Variants in CSRNP3 observed in about 807,000 individuals in gnomAD.
CSRNP3 encodes cysteine/serine-rich nuclear protein 3.
In CSRNP3, 12 loss-of-function variants were observed where a neutral mutation model predicts 48.0. The observed-to-expected ratio is 0.25, with a 90% confidence interval of 0.16 to 0.41. CSRNP3 has a LOEUF of 0.41. CSRNP3 is among the 10% of genes least tolerant of loss of function. CSRNP3 has a pLI of 1.00. For missense variants in CSRNP3, 580 were observed against 724.4 expected, an observed-to-expected ratio of 0.80 and a Z score of 2.29; for synonymous variants, 263 against 269.7, an observed-to-expected ratio of 0.98 and a Z score of 0.24.
chr2:165,676,877 A>G (rs945303686), intron 6 of CSRNP3, among the ~76,000 whole-genome samples: 1 of 152,190 alleles, frequency 6.6e-6, no homozygotes. Context: ...AAATTATTTT[A>G]TCTTGGATTC....
chr2:165,520,159 T>G (rs1289257286), intron 3 of CSRNP3, among the ~76,000 whole-genome samples: 1 of 152,210 alleles, frequency 6.6e-6, no homozygotes, highest in East Asian at 1.9e-4. Flanking sequence ...TATGTGCATT[T>G]TTATTAGAAA....
chr2:165,662,494 C>T (rs1687114580), intron 5 of CSRNP3, among the ~76,000 whole-genome samples: 1 of 152,300 alleles, frequency 6.6e-6, no homozygotes, highest in Admixed American at 6.5e-5. Flanking sequence ...CCCATTCAAA[C>T]ATGTCATACT....
At chr2:165,481,145 C>G (rs144236948) in intron 1 of CSRNP3, among the ~76,000 whole-genome samples, 1 of 152,034 alleles carries the variant, frequency 6.6e-6, no homozygotes, top group Non-Finnish European at 1.5e-5. Context: ...ACACAAAACC[C>G]AAAATCAAAT....
At chr2:165,564,315 T>TA (rs5836045) in intron 3 of CSRNP3, among the ~76,000 whole-genome samples, 71 of 151,840 alleles carry the variant, frequency 4.7e-4, no homozygotes, top group Admixed American at 7.9e-4. Flanking sequence ...AATATTCTGT[T>TA]AAAAAAATGC....
intron 2 of CSRNP3, among the ~76,000 whole-genome samples, chr2:165,510,065 C>A (rs539820020): frequency 6.6e-6 from 1 of 152,112 alleles, no homozygotes; most frequent in Admixed American, 6.6e-5. Flanking sequence ...TGAATCATAT[C>A]GGGGATATAT....
intron 1 of CSRNP3, among the ~76,000 whole-genome samples, chr2:165,479,672 C>T (rs556776279): frequency 2.6e-4 from 40 of 152,204 alleles, no homozygotes; most frequent in African/African-American, 9.4e-4. Flanking sequence ...TTTGCTTGAG[C>T]TCAGGAGTTC....
intron 3 of CSRNP3, among the ~76,000 whole-genome samples, chr2:165,569,829 A>G (rs1240873244): frequency 6.6e-6 from 1 of 151,828 alleles, no homozygotes; most frequent in East Asian, 1.9e-4. Flanking sequence ...TCCTGAGGCA[A>G]TTTTATGAGA....
chr2:165,648,498 G>T (rs546782895), intron 4 of CSRNP3, among the ~76,000 whole-genome samples: 5 of 152,058 alleles, frequency 3.3e-5, no homozygotes, highest in African/African-American at 1.2e-4. Flanking sequence ...TTTTTAAAAA[G>T]ATTTTTTTGC....
intron 4 of CSRNP3, among the ~76,000 whole-genome samples, chr2:165,656,632 T>G (rs2105346086): frequency 1.3e-5 from 2 of 152,348 alleles, no homozygotes; most frequent in South Asian, 4.1e-4. Flanking sequence ...AGAATCCCAT[T>G]GTTCATAATG....
chr2:165,559,096 G>T (rs969171530), intron 3 of CSRNP3, among the ~76,000 whole-genome samples: 11 of 152,232 alleles, frequency 7.2e-5, no homozygotes, highest in Admixed American at 6.5e-4. Flanking sequence ...GAGAGAGACA[G>T]AAATATGCAA....
intron 3 of CSRNP3, among the ~76,000 whole-genome samples, chr2:165,555,661 C>A (rs566053710): frequency 6.6e-6 from 1 of 152,248 alleles, no homozygotes; most frequent in Non-Finnish European, 1.5e-5. Flanking sequence ...TGAGAAGGAC[C>A]ACTATCAATA....
At chr2:165,646,830 AC>A (rs1179271710) in intron 4 of CSRNP3, among the ~76,000 whole-genome samples, 2 of 152,152 alleles carry the variant, frequency 1.3e-5, no homozygotes, top group Admixed American at 1.3e-4. Flanking sequence ...AGTAACAACT[AC>A]CTTTTTTTCC....
At chr2:165,478,150 C>A (rs1448681339) in intron 1 of CSRNP3, among the ~76,000 whole-genome samples, 1 of 152,154 alleles carries the variant, frequency 6.6e-6, no homozygotes, top group East Asian at 1.9e-4. Context: ...TAAAATCTTG[C>A]AGATTGTATT....
intron 3 of CSRNP3, among the ~76,000 whole-genome samples, chr2:165,576,386 GT>G (rs1345729709): frequency 2.6e-5 from 4 of 151,970 alleles, no homozygotes; most frequent in Non-Finnish European, 5.9e-5. Context: ...AAAGAACCAA[GT>G]TTAACATTCA....
intron 2 of CSRNP3, among the ~76,000 whole-genome samples, chr2:165,503,809 G>A (rs965131680): frequency 1.3e-5 from 2 of 151,834 alleles, no homozygotes; most frequent in African/African-American, 4.8e-5. Flanking sequence ...GTTCTGAAAG[G>A]CTTTTTGGGT....
intron 4 of CSRNP3, among the ~76,000 whole-genome samples, chr2:165,653,788 A>G (rs1049131413): frequency 3.3e-5 from 5 of 151,990 alleles, no homozygotes; most frequent in Admixed American, 1.3e-4. Flanking sequence ...CCTGGCCAAC[A>G]TGATGAAACC....
At chr2:165,653,468 A>G (rs1033853278) in intron 4 of CSRNP3, among the ~76,000 whole-genome samples, 1 of 152,118 alleles carries the variant, frequency 6.6e-6, no homozygotes, top group African/African-American at 2.4e-5. Flanking sequence ...CCCTGACACT[A>G]TTGTCGTCTT....
At chr2:165,573,425 G>C (rs1387866051) in intron 3 of CSRNP3, among the ~76,000 whole-genome samples, 1 of 152,140 alleles carries the variant, frequency 6.6e-6, no homozygotes, top group African/African-American at 2.4e-5. Context: ...CCATTTATGA[G>C]CAATAGAGAA....
intron 4 of CSRNP3, among the ~76,000 whole-genome samples, chr2:165,634,786 A>G (rs545234186): frequency 6.6e-6 from 1 of 152,350 alleles, no homozygotes; most frequent in African/African-American, 2.4e-5. Context: ...ATTACACTCT[A>G]GTGTCTAGAA....
Sources: allele counts gnomAD v4.1 joint callset (sites outside exome capture counted in the v4.1 genomes callset), GRCh38; gene constraint gnomAD v4.1.1; transcripts MANE v1.5; gene names NCBI Gene and HGNC (gene_info 2026-07-23, HGNC 2026-07-21).